The following TNKS variants were observed in gnomAD, a reference collection of about 807,000 sequenced individuals.
TNKS encodes the protein poly [ADP-ribose] polymerase tankyrase-1.
In TNKS, 72 loss-of-function variants were observed where a neutral mutation model predicts 135.8. The ratio of observed to expected loss-of-function variants is 0.53; its 90% CI spans 0.44 to 0.64. TNKS has a LOEUF of 0.64. Ranked by LOEUF, TNKS falls within the 30% of genes least tolerant of loss-of-function variation. TNKS has a pLI of 0.00. For synonymous variants in TNKS, 849 were observed against 649.3 expected, an observed-to-expected ratio of 1.31 and a Z score of -4.68; for missense variants, 1,769 against 1,674.0, an observed-to-expected ratio of 1.06 and a Z score of -0.99.
At chr8:9,766,543 G>A in intron 25 of TNKS, 118 bp downstream of exon 25, 1 of 948,642 alleles carries the variant, frequency 1.1e-6, no homozygotes, top group Middle Eastern at 2.4e-4. Context: ...CTGGAGTGCG[G>A]TGGCACGATC....
chr8:9,754,412 T>C (rs940268289), intron 20 of TNKS, among the ~76,000 whole-genome samples: 14 of 152,330 alleles, frequency 9.2e-5, no homozygotes, highest in African/African-American at 3.4e-4. Flanking sequence ...CCATTATGGT[T>C]CCCTTCTAGG....
At chr8:9,693,120 A>C (rs1219011254) in intron 5 of TNKS, among the ~76,000 whole-genome samples, 1 of 152,232 alleles carries the variant, frequency 6.6e-6, no homozygotes. Context: ...TTAGAAGGGA[A>C]ACTTATTGAT....
intron 3 of TNKS, among the ~76,000 whole-genome samples, chr8:9,650,368 G>T (rs1248795122): frequency 6.6e-6 from 1 of 152,138 alleles, no homozygotes; most frequent in Non-Finnish European, 1.5e-5. Context: ...AATGGTAGTT[G>T]TGTTTTTACT....
chr8:9,692,502 T>C (rs1183102680), intron 5 of TNKS, among the ~76,000 whole-genome samples: 2 of 152,208 alleles, frequency 1.3e-5, no homozygotes, highest in Admixed American at 1.3e-4. Flanking sequence ...TATCATGCCA[T>C]GATCCACTGT....
intron 1 of TNKS, among the ~76,000 whole-genome samples, chr8:9,566,054 A>G (rs1460827655): frequency 6.6e-6 from 1 of 152,094 alleles, no homozygotes; most frequent in Admixed American, 6.6e-5. Flanking sequence ...AATACTCATC[A>G]ACCGTAGAAA....
chr8:9,720,315 G>C (rs1221997639), intron 11 of TNKS, 59 bp from the exon 12 acceptor site: 1 of 1,424,572 alleles, frequency 7.0e-7, no homozygotes, highest in Non-Finnish European at 9.4e-7. Context: ...ATTTTCTAAG[G>C]TATAAAAGGA....
At chr8:9,699,158 A>C (rs886544439) in intron 5 of TNKS, among the ~76,000 whole-genome samples, 1 of 152,218 alleles carries the variant, frequency 6.6e-6, no homozygotes, top group Admixed American at 6.5e-5. Flanking sequence ...ACCATCATCA[A>C]ATTACGTAGC....
intron 2 of TNKS, among the ~76,000 whole-genome samples, chr8:9,587,387 C>T (rs760569757): frequency 8.0e-5 from 12 of 150,546 alleles, no homozygotes; most frequent in African/African-American, 2.2e-4. Context: ...TCAGCCTTGC[C>T]GACACCTTGA....
intron 2 of TNKS, among the ~76,000 whole-genome samples, chr8:9,582,868 T>G (rs1298587729): frequency 6.6e-6 from 1 of 152,126 alleles, no homozygotes; most frequent in Non-Finnish European, 1.5e-5. Flanking sequence ...TGACATTTCT[T>G]AAAAATGTCC....
chr8:9,597,203 C>G lies in TNKS; in HGVS notation c.898+16820C>G, dbSNP rs557266050. 3.1e-4 allele frequency among the ~76,000 whole-genome samples: 47 copies of G among 152,248 alleles called. 4 individuals are homozygous for G. The South Asian group carries it at 9.7e-3, about 32-fold the overall frequency. On this transcript the variant is annotated intron_variant, in intron 2 of 26. Coordinates refer to ENST00000310430, the MANE Select transcript of TNKS (RefSeq NM_003747.3). ...GAGCTTCAGTTTCTTAATTATAAAA[C>G]GGACGTTGGCTCTACTGCATAAAAT...
intron 2 of TNKS, among the ~76,000 whole-genome samples, chr8:9,590,242 C>A (rs1009277350): frequency 6.6e-6 from 1 of 152,100 alleles, no homozygotes; most frequent in East Asian, 1.9e-4. Flanking sequence ...TAATTCCCTC[C>A]CTTTCTCTCC....
chr8:9,575,742 A>G (rs78116474), intron 1 of TNKS, among the ~76,000 whole-genome samples: 1 of 152,208 alleles, frequency 6.6e-6, no homozygotes, highest in African/African-American at 2.4e-5. Flanking sequence ...TGAACTGACA[A>G]GAGTTGAAAT....
chr8:9,707,027 G>A lies in TNKS; in HGVS notation c.1456+30G>A, dbSNP rs149853147. The stretch of plus-strand genomic sequence containing the variant: ...GTATTTATATCCCGAAATCATTATC[G>A]CATAAATTGGAATATTTAATTTCTG... On this transcript the variant is annotated intron_variant, in intron 8 of 26. Transcript: ENST00000310430. 5.9e-4 allele frequency: 888 copies of A among 1,508,406 alleles called. 4 individuals are homozygous for A. In the African/African-American group the frequency reaches 0.011, roughly 19 times the overall value. 93.4% of individuals were successfully genotyped at this position (1,508,406 alleles called of 1,614,324 possible).
At chr8:9,684,370 G>C (rs945413252) in intron 5 of TNKS, among the ~76,000 whole-genome samples, 2 of 151,838 alleles carry the variant, frequency 1.3e-5, no homozygotes, top group African/African-American at 4.8e-5. Context: ...TTTTCGTAAG[G>C]ATACCTTTTA....
chr8:9,556,324 C>A lies in TNKS; in HGVS notation c.385C>A (p.Pro129Thr). Reference protein sequence around the residue: ...NPAGSGSNNSPSSSSSPTSSS... With the variant: ...NPAGSGSNNSTSSSSSPTSSS... The stretch of plus-strand genomic sequence containing the variant: ...AGCCGGCAGTGGCAGTAACAATTCA[C>A]CGTCGTCCTCTTCTTCCCCGACTTC... The change falls in exon 1 of 27, where the codon CCG (proline) becomes ACG (threonine). Residue 129 changes from proline to threonine, a missense_variant. Coordinates refer to ENST00000310430, the MANE Select transcript of TNKS (RefSeq NM_003747.3). 1.2e-6 allele frequency: 2 copies of A among 1,614,272 alleles called. No individual in the cohort carries two copies. Among genetic ancestry groups the A allele is most frequent in the Non-Finnish European group, 1.7e-6 (2 of 1,180,050 alleles).
chr8:9,663,008 A>T (rs1308734776), intron 3 of TNKS, among the ~76,000 whole-genome samples: 1 of 152,248 alleles, frequency 6.6e-6, no homozygotes, highest in Non-Finnish European at 1.5e-5. Flanking sequence ...GGCCCAGTAT[A>T]ATCACAAGGA....
intron 26 of TNKS, among the ~76,000 whole-genome samples, chr8:9,774,766 G>A (rs934863463): frequency 1.3e-5 from 2 of 152,184 alleles, no homozygotes; most frequent in Non-Finnish European, 2.9e-5. Flanking sequence ...TAAGATGGAC[G>A]TGTGTCAGGG....
Position 9,672,679 on chromosome 8 carries a change from CAT to C in TNKS, c.995-7270_995-7269del, listed in dbSNP as rs1404489190. On this transcript the variant is annotated intron_variant, in intron 3 of 26. Transcript: ENST00000310430. ...TAAAAAAAAAAAAAAAAAAAAAACA[CAT>C]ACACACACACACACACACACACACA... Among the ~76,000 whole-genome samples the C allele has an allele frequency of 5.0e-3, 440 of 88,380 alleles. 5 individuals are homozygous for C. The highest frequency in any genetic ancestry group is 0.013 in the Middle Eastern group (2 of 152). The allele number at this position is 88,380 out of a possible 152,430, so 58.0% of individuals were successfully genotyped here.
intron 20 of TNKS, among the ~76,000 whole-genome samples, chr8:9,756,970 TG>T (rs1168114529): frequency 1.3e-5 from 2 of 151,370 alleles, no homozygotes; most frequent in African/African-American, 2.5e-5. Flanking sequence ...TGTTTTTGTT[TG>T]TTTTTTTTTG....
Sources: gnomAD v4.1 joint callset for allele counts (sites outside exome capture counted in the v4.1 genomes callset) on GRCh38, gnomAD v4.1.1 for gene constraint, MANE v1.5 for transcripts, NCBI Gene and HGNC (gene_info 2026-07-23, HGNC 2026-07-21) for gene names.